Variants in PMS1 observed in about 807,000 individuals in gnomAD.
PMS1 encodes PMS1 homolog 1, mismatch repair system component.
A neutral mutation model predicts 93.1 loss-of-function variants in PMS1; 79 were observed. The observed-to-expected ratio is 0.85, with a 90% confidence interval of 0.71 to 1.02. The LOEUF (loss-of-function observed/expected upper bound fraction) is 1.02. Ranked by LOEUF, PMS1 falls within the 50% of genes least tolerant of loss-of-function variation. The probability of loss-of-function intolerance (pLI) is 0.00; values close to 1 mark genes in which losing one functional copy is unlikely to be tolerated. For synonymous variants in PMS1, 335 were observed against 363.4 expected (o/e 0.92, Z 0.89); for missense variants, 1,064 against 1,085.3 (o/e 0.98, Z 0.28).
At chr2:189,801,690 A>G (rs1312809919) in intron 3 of PMS1, among the ~76,000 whole-genome samples, 1 of 152,246 alleles carries the variant, frequency 6.6e-6, no homozygotes, top group East Asian at 1.9e-4. Flanking sequence ...GAGTGTTTGA[A>G]TAAGAGACCT....
At position 189,854,533 on chromosome 2, in the gene PMS1, TGTA is replaced by T. The variant is rs2055115532; in HGVS notation, c.1267_1269del (p.Ser423del). 3 of 1,613,540 alleles carry T rather than the reference TGTA, an allele frequency of 1.9e-6. No homozygotes were observed. The highest frequency in any genetic ancestry group is 2.2e-5 in the South Asian group (2 of 91,078). On this transcript the variant is annotated inframe_deletion, in exon 9 of 13. Coordinates refer to ENST00000441310, the MANE Select transcript of PMS1 (RefSeq NM_000534.5). The stretch of plus-strand genomic sequence containing the variant: ...TATTGGTGACTTTGGTTATGGTCAT[TGTA>T]GTAGTGAAATTTCTAACATTGATAA...
chr2:189,875,305 C>T (rs932476631), intron 12 of PMS1, among the ~76,000 whole-genome samples: 1 of 151,066 alleles, frequency 6.6e-6, no homozygotes, highest in Non-Finnish European at 1.5e-5. Context: ...TGGATTGGTT[C>T]CAGCACCACC....
chr2:189,786,008 C>T (rs2048309705), intron 1 of PMS1, among the ~76,000 whole-genome samples: 2 of 152,066 alleles, frequency 1.3e-5, no homozygotes, highest in Non-Finnish European at 2.9e-5. Flanking sequence ...TCCTGTAATC[C>T]CAGCTACTTG....
chr2:189,802,817 T>C (rs1049656151), intron 3 of PMS1, among the ~76,000 whole-genome samples: 7 of 152,206 alleles, frequency 4.6e-5, no homozygotes, highest in African/African-American at 1.4e-4. Context: ...TTTTTATAGC[T>C]GTGATGGAGG....
intron 5 of PMS1, among the ~76,000 whole-genome samples, chr2:189,834,246 G>A (rs2053199366): frequency 6.6e-6 from 1 of 152,198 alleles, no homozygotes; most frequent in Admixed American, 6.5e-5. Context: ...GTGGGCAGAG[G>A]TATTCAAAGC....
chr2:189,859,063 T>A (rs2055672698), intron 9 of PMS1, among the ~76,000 whole-genome samples: 1 of 152,186 alleles, frequency 6.6e-6, no homozygotes, highest in Admixed American at 6.6e-5. Context: ...AGTATGAGAC[T>A]AGAAATAACC....
chr2:189,829,766 C>G (rs958731116), intron 5 of PMS1, among the ~76,000 whole-genome samples: 2 of 152,216 alleles, frequency 1.3e-5, no homozygotes, highest in African/African-American at 2.4e-5. Flanking sequence ...TACTGATTCT[C>G]TCACACTCTA....
chr2:189,806,563 A>C (rs542624033), intron 4 of PMS1: 52 of 197,752 alleles, frequency 2.6e-4, no homozygotes, highest in Non-Finnish European at 4.6e-4. Context: ...ACACCCGGCT[A>C]ATTTTTGTAT....
chr2:189,834,010 G>A (rs1029065539), intron 5 of PMS1, among the ~76,000 whole-genome samples: 1 of 152,026 alleles, frequency 6.6e-6, no homozygotes, highest in African/African-American at 2.4e-5. Context: ...CTTACATTAC[G>A]TGTCTAGGCT....
intron 5 of PMS1, among the ~76,000 whole-genome samples, chr2:189,838,821 C>T (rs898106614): frequency 2.0e-5 from 3 of 152,134 alleles, no homozygotes; most frequent in East Asian, 1.9e-4. Flanking sequence ...TGCATTCCAC[C>T]GAACTTTTGC....
chr2:189,837,467 T>C (rs188404924), intron 5 of PMS1, among the ~76,000 whole-genome samples: 32 of 152,366 alleles, frequency 2.1e-4, no homozygotes, highest in Non-Finnish European at 4.1e-4. Context: ...GGACATTTCA[T>C]TTCCTGTAAT....
At chr2:189,810,210 T>G (rs551408198) in intron 4 of PMS1, among the ~76,000 whole-genome samples, 1 of 152,132 alleles carries the variant, frequency 6.6e-6, no homozygotes, top group Admixed American at 6.5e-5. Context: ...AGACATGGAG[T>G]GTAACCTTTC....
At chr2:189,822,964 T>A (rs1303594436) in intron 5 of PMS1, among the ~76,000 whole-genome samples, 5 of 152,336 alleles carry the variant, frequency 3.3e-5, no homozygotes, top group African/African-American at 1.2e-4. Context: ...GAGAAAACAT[T>A]GTAATACTAC....
chr2:189,839,139 C>T (rs1269167560), intron 5 of PMS1, among the ~76,000 whole-genome samples: 1 of 151,940 alleles, frequency 6.6e-6, no homozygotes, highest in Non-Finnish European at 1.5e-5. Flanking sequence ...TTATGGGTGC[C>T]CGCCACCATG....
Position 189,864,690 on chromosome 2 carries a change from ATATATATATATATATATATATATATAT to A in PMS1, c.2342+463_2342+489del, listed in dbSNP as rs2056471451. Among the ~76,000 whole-genome samples the A allele has an allele frequency of 2.6e-3, 22 of 8,392 alleles. 1 individual carries two copies. The highest frequency in any genetic ancestry group is 5.8e-3 in the South Asian group (1 of 172). 5.5% of individuals were successfully genotyped at this position (8,392 alleles called of 152,430 possible). A position where few individuals can be genotyped will look rare whatever the true frequency, so the allele number is the denominator to read the frequency against. ...AAAAAAAAAAAAAAAAAAAAAAAAT[ATATATATATATATATATATATATATAT>A]ATATATATATATATATATGATTTCT... On this transcript the variant is annotated intron_variant, in intron 10 of 12. Coordinates refer to ENST00000441310, the MANE Select transcript of PMS1 (RefSeq NM_000534.5).
chr2:189,824,715 TAGC>T (rs1416606234), intron 5 of PMS1, among the ~76,000 whole-genome samples: 1 of 152,068 alleles, frequency 6.6e-6, no homozygotes, highest in Non-Finnish European at 1.5e-5. Context: ...AATTAAGTAT[TAGC>T]TATTATAGAG....
chr2:189,838,195 G>A (rs776639742), intron 5 of PMS1, among the ~76,000 whole-genome samples: 2 of 152,166 alleles, frequency 1.3e-5, no homozygotes, highest in Non-Finnish European at 2.9e-5. Flanking sequence ...GGAAAGAAAA[G>A]CAAAGATTGG....
chr2:189,836,148 TTG>T (rs2053368664), intron 5 of PMS1, among the ~76,000 whole-genome samples: 1 of 152,242 alleles, frequency 6.6e-6, no homozygotes, highest in South Asian at 2.1e-4. Flanking sequence ...TTATCACAAA[TTG>T]CCTTTACAAA....
chr2:189,787,350 C>A (rs1431533433), intron 1 of PMS1, among the ~76,000 whole-genome samples: 1 of 151,982 alleles, frequency 6.6e-6, no homozygotes, highest in Non-Finnish European at 1.5e-5. Flanking sequence ...AAGGGCTTGC[C>A]ATGGGTGAAG....
Sources: gnomAD v4.1 joint callset for allele counts (sites outside exome capture counted in the v4.1 genomes callset) on GRCh38, gnomAD v4.1.1 for gene constraint, MANE v1.5 for transcripts, NCBI Gene and HGNC (gene_info 2026-07-23, HGNC 2026-07-21) for gene names.